The following OTUD7A variants were observed in gnomAD, a reference collection of about 807,000 sequenced individuals.
OTUD7A encodes the protein OTU domain-containing protein 7A.
Under a neutral mutation model 65.7 loss-of-function variants are expected in OTUD7A, and 12 were observed. That is an observed-to-expected ratio of 0.18 (90% CI 0.12 to 0.30). The LOEUF (loss-of-function observed/expected upper bound fraction) is 0.30. Among genes scored for constraint, OTUD7A ranks in the 10% least tolerant of loss-of-function variants. The probability of loss-of-function intolerance (pLI) is 1.00; values close to 1 mark genes in which losing one functional copy is unlikely to be tolerated. For synonymous variants in OTUD7A, 641 were observed against 586.3 expected (o/e 1.09, Z -1.35); for missense variants, 1,148 against 1,304.8 (o/e 0.88, Z 1.85).
intron 1 of OTUD7A, among the ~76,000 whole-genome samples, chr15:31,823,225 A>G (rs989737458): frequency 2.6e-5 from 4 of 152,182 alleles, no homozygotes; most frequent in Non-Finnish European, 5.9e-5. Context: ...CCCCCAGCAG[A>G]AATCGAGAAA....
intron 1 of OTUD7A, among the ~76,000 whole-genome samples, chr15:31,792,166 C>T (rs1054629331): frequency 6.6e-6 from 1 of 152,196 alleles, no homozygotes. Context: ...GAACACATCT[C>T]AAATCCCTCC....
At chr15:31,597,333 A>G (rs1889935545) in intron 3 of OTUD7A, among the ~76,000 whole-genome samples, 1 of 152,100 alleles carries the variant, frequency 6.6e-6, no homozygotes, top group Non-Finnish European at 1.5e-5. Flanking sequence ...TCTCTAAAAC[A>G]TGTTTGCCAA....
intron 1 of OTUD7A, among the ~76,000 whole-genome samples, chr15:31,698,070 C>G (rs1265361272): frequency 6.6e-6 from 1 of 152,174 alleles, no homozygotes; most frequent in Non-Finnish European, 1.5e-5. Flanking sequence ...TCTTTCCTAA[C>G]CCTTCCCTCC....
chr15:31,504,892 T>C (rs1319987643), intron 8 of OTUD7A, among the ~76,000 whole-genome samples: 2 of 81,296 alleles, frequency 2.5e-5, no homozygotes, highest in Non-Finnish European at 4.7e-5. Context: ...TATGACTCAA[T>C]TTACCTTTTT....
intron 1 of OTUD7A, among the ~76,000 whole-genome samples, chr15:31,761,825 A>G (rs1894972524): frequency 6.6e-6 from 1 of 152,214 alleles, no homozygotes; most frequent in South Asian, 2.1e-4. Context: ...TCAATCAGCA[A>G]TGAAAAGGAA....
chr15:31,832,929 T>C (rs1209154495), intron 1 of OTUD7A, among the ~76,000 whole-genome samples: 3 of 152,230 alleles, frequency 2.0e-5, no homozygotes. Flanking sequence ...CAAGTCTTCA[T>C]GTTCAATTCT....
intron 1 of OTUD7A, among the ~76,000 whole-genome samples, chr15:31,791,964 G>A (rs1023909046): frequency 2.0e-5 from 3 of 151,994 alleles, no homozygotes; most frequent in Non-Finnish European, 4.4e-5. Context: ...AGTCCTAACC[G>A]AGCTCCCCAC....
intron 1 of OTUD7A, among the ~76,000 whole-genome samples, chr15:31,827,853 G>A (rs201832481): frequency 5.4e-5 from 1 of 18,598 alleles, no homozygotes; most frequent in African/African-American, 6.3e-5. Flanking sequence ...CTTGAACTTG[G>A]AGGGGCGGGG....
At chr15:31,856,577 TG>T (rs1897580033) in intron 1 of OTUD7A, among the ~76,000 whole-genome samples, 1 of 152,198 alleles carries the variant, frequency 6.6e-6, no homozygotes, top group African/African-American at 2.4e-5. Flanking sequence ...CTGTTTTTCA[TG>T]GAACATGTTT....
At position 31,832,316 on chromosome 15, in the gene OTUD7A, T is replaced by C. The variant is rs559670616; in HGVS notation, c.-100+38191A>G. ...GAACCTCATGTGCTCAAGAGTGTCA[T>C]GTGACAGGGAGAGCACAGGCCCATC... On this transcript the variant is annotated intron_variant, in intron 1 of 12. Transcript: ENST00000307050. 8.5e-5 allele frequency among the ~76,000 whole-genome samples: 13 copies of C among 152,186 alleles called. No individual in the cohort carries two copies. In the South Asian group the frequency reaches 1.5e-3, roughly 17 times the overall value.
chr15:31,605,035 G>A (rs941505564), intron 3 of OTUD7A, among the ~76,000 whole-genome samples: 2 of 152,230 alleles, frequency 1.3e-5, no homozygotes, highest in Admixed American at 6.5e-5. Context: ...TGGCTAGGAC[G>A]CATGGCCAGG....
At chr15:31,589,267 A>G (rs958692949) in intron 3 of OTUD7A, among the ~76,000 whole-genome samples, 6 of 151,600 alleles carry the variant, frequency 4.0e-5, no homozygotes, top group African/African-American at 1.5e-4. Context: ...GAGTAGGATC[A>G]GGAGTGACTT....
At chr15:31,859,112 CCTGGCAAACAGTTTGATTTCCTT>C (rs1193099536) in intron 1 of OTUD7A, among the ~76,000 whole-genome samples, 5 of 152,326 alleles carry the variant, frequency 3.3e-5, no homozygotes, top group African/African-American at 1.2e-4. Context: ...AGTTAACAAA[CCTGGCAAACAGTTTGATTTCCTT>C]CTGCATGGCT....
chr15:31,749,236 T>C (rs187524213), intron 1 of OTUD7A, among the ~76,000 whole-genome samples: 1 of 152,110 alleles, frequency 6.6e-6, no homozygotes, highest in Non-Finnish European at 1.5e-5. Flanking sequence ...TGTATACATA[T>C]GTAACTAACC....
chr15:31,584,939 A>T (rs1393923792), intron 3 of OTUD7A, among the ~76,000 whole-genome samples: 1 of 152,180 alleles, frequency 6.6e-6, no homozygotes, highest in African/African-American at 2.4e-5. Flanking sequence ...GAGAAATTAA[A>T]CTCTTAATTC....
intron 8 of OTUD7A, among the ~76,000 whole-genome samples, chr15:31,510,290 C>G (rs1343737548): frequency 6.6e-6 from 1 of 151,850 alleles, no homozygotes. Context: ...CGACAGTCCC[C>G]GCTCTCTTTT....
At chr15:31,582,951 G>A (rs1889415905) in intron 3 of OTUD7A, among the ~76,000 whole-genome samples, 2 of 152,198 alleles carry the variant, frequency 1.3e-5, no homozygotes, top group Non-Finnish European at 2.9e-5. Context: ...CACATCTGGA[G>A]TATTAATCAG....
At position 31,483,552 on chromosome 15, in the gene OTUD7A, CG is replaced by C; in HGVS notation, c.2543del (p.Ala848GlyfsTer139). 7.6e-7 allele frequency: 1 copy of C among 1,310,478 alleles called. No individual in the cohort carries two copies. 81.2% of individuals were successfully genotyped at this position (1,310,478 alleles called of 1,614,324 possible). On this transcript the variant is annotated frameshift_variant, in exon 13 of 13. Coordinates refer to ENST00000307050, the MANE Select transcript of OTUD7A (RefSeq NM_001382637.1). LOFTEE classifies it high-confidence loss of function. ...TCTGCGACTTGTGCTCGGCCGCCCCCGCCGTCCCCGCCGCGCCCGGTAGGGC... is the reference window on the plus strand; with the variant it reads ...TCTGCGACTTGTGCTCGGCCGCCCCCCCGTCCCCGCCGCGCCCGGTAGGGC... Reference protein sequence around the residue: ...PGALPGAAGTAGAAEHKSQTY... With the variant: ...PGALPGAAGTXGAAEHKSQTY...
intron 1 of OTUD7A, among the ~76,000 whole-genome samples, chr15:31,835,780 A>C (rs1052442605): frequency 6.6e-6 from 1 of 152,172 alleles, no homozygotes; most frequent in Non-Finnish European, 1.5e-5. Flanking sequence ...ATACACATAC[A>C]CATGTATGCA....
Sources: allele counts gnomAD v4.1 joint callset (sites outside exome capture counted in the v4.1 genomes callset), GRCh38; gene constraint gnomAD v4.1.1; transcripts MANE v1.5; gene names NCBI Gene and HGNC (gene_info 2026-07-23, HGNC 2026-07-21).